FGF21: variants seen among roughly 807,000 people sequenced by gnomAD.
The protein encoded by FGF21 is fibroblast growth factor 21.
FGF21 carries 13 observed loss-of-function variants against 13.4 expected under a neutral mutation model. The ratio of observed to expected loss-of-function variants is 0.97; its 90% confidence interval spans 0.63 to 1.54. The LOEUF is 1.54. FGF21 is among the 40% of genes most tolerant of loss of function. FGF21 has a pLI of 0.00. For missense variants in FGF21, 303 were observed against 272.4 expected, an observed-to-expected ratio of 1.11 and a Z score of -0.79; for synonymous variants, 124 against 123.6, an observed-to-expected ratio of 1.00 and a Z score of -0.02.
Position 48,758,321 on chromosome 19 carries a change from AG to A in FGF21, c.*103del. ...TACTTGAGATAATAAAGAGTTCCAG[AG>A]GAGGATAAGAATGAGCATGTGTGAG... On this transcript the variant is annotated 3_prime_UTR_variant, in exon 4 of 4. Coordinates refer to ENST00000593756, the MANE Select transcript of FGF21 (RefSeq NM_019113.4). The A allele has an allele frequency of 1.7e-6, 2 of 1,170,788 alleles. No individual in the cohort carries two copies. The highest frequency in any genetic ancestry group is 2.3e-6 in the Non-Finnish European group (2 of 860,072). 72.5% of individuals were successfully genotyped at this position (1,170,788 alleles called of 1,614,324 possible).
rs767383662 is a variant in FGF21, at chr19:48,756,195, C to T, written c.-42C>T. ...CCAATTCTAAACCACTCAGCTTCTC[C>T]GAGCTCACACCCCGGAGATCACCTG... On this transcript the variant is annotated 5_prime_UTR_variant, in exon 2 of 4. Coordinates refer to ENST00000593756, the MANE Select transcript of FGF21 (RefSeq NM_019113.4). 39 of 1,561,090 alleles carry T rather than the reference C, an allele frequency of 2.5e-5. No individual in the cohort carries two copies. The Admixed American group carries it at 2.7e-4, about 11-fold the overall frequency.
Position 48,756,910 on chromosome 19 carries a change from C to T in FGF21, c.236-16C>T, listed in dbSNP as rs748972063. ...GGGAGAGGTCCTCGAACCACCTTAT[C>T]GCTTTCACCCCTTAGGTCTCCTGCA... On this transcript the variant is annotated splice_polypyrimidine_tract_variant and intron_variant, in intron 2 of 3. Coordinates refer to ENST00000593756, the MANE Select transcript of FGF21 (RefSeq NM_019113.4). 72 of 1,602,038 alleles carry T rather than the reference C, an allele frequency of 4.5e-5. No individual in the cohort carries two copies. Among genetic ancestry groups the T allele is most frequent in the South Asian group, 1.3e-4 (12 of 90,806 alleles).
chr19:48,756,510 G>A, intron 2 of FGF21, 39 bp downstream of exon 2: 1 of 1,577,492 alleles, frequency 6.3e-7, no homozygotes, highest in Non-Finnish European at 8.6e-7. Context: ...GGGAGGAGGG[G>A]CTGTGGGTCT....
Position 48,755,967 on chromosome 19 carries a change from T to C in FGF21, c.-270T>C. On this transcript the variant is annotated 5_prime_UTR_variant, in exon 2 of 4. Transcript: ENST00000593756. ...CAGGCTGCCCTTGCCACGATGGAAT[T>C]CTGTAGCTCCTGCCAAATGGGTCAA... The C allele has an allele frequency of 2.3e-6, 1 of 438,302 alleles. No individual in the cohort carries two copies. The highest frequency in any genetic ancestry group is 4.1e-6 in the Non-Finnish European group (1 of 244,290). The allele number at this position is 438,302 out of a possible 1,614,324, so 27.2% of individuals were successfully genotyped here. A position where few individuals can be genotyped will look rare whatever the true frequency, so the allele number is the denominator to read the frequency against.
At chr19:48,757,115 C>A in intron 3 of FGF21, 86 bp downstream of exon 3, 1 of 955,398 alleles carries the variant, frequency 1.0e-6, no homozygotes, top group Non-Finnish European at 1.7e-6. Context: ...CTTGCTCATC[C>A]CCCCCGGAGC....
rs755782245 is a variant in FGF21 at position 48,757,056 on chromosome 19, C to T, written c.339+27C>T. On this transcript the variant is annotated intron_variant, in intron 3 of 3. Coordinates refer to ENST00000593756, the MANE Select transcript of FGF21 (RefSeq NM_019113.4). The stretch of plus-strand genomic sequence containing the variant: ...TGAGTTTCCAGGACCCTCCTCACCA[C>T]CCACCATGCTCCTCCTATATGTCGC... 2.6e-6 allele frequency: 4 copies of T among 1,545,550 alleles called. No homozygotes were observed. The African/African-American group carries it at 4.1e-5, about 16-fold the overall frequency.
Position 48,756,372 on chromosome 19 carries a change from C to T in FGF21, c.136C>T (p.Gln46Ter). ...CCTGCAATTCGGGGGCCAAGTCCGG[C>T]AGCGGTACCTCTACACAGATGATGC... ...PLLQFGGQVR[Q>*]RYLYTDDAQQ... Residue 46 changes from glutamine to a stop codon, truncating the protein, a stop_gained, in exon 2 of 4, where the codon CAG (glutamine) becomes TAG (stop). Coordinates refer to ENST00000593756, the MANE Select transcript of FGF21 (RefSeq NM_019113.4). LOFTEE classifies it high-confidence loss of function. The T allele has an allele frequency of 6.2e-7, 1 of 1,614,044 alleles. No individual in the cohort carries two copies. Among genetic ancestry groups the T allele is most frequent in the African/African-American group, 1.3e-5 (1 of 75,056 alleles).
At chr19:48,757,906 T>G (rs753340367) in intron 3 of FGF21, 24 bp from the exon 4 acceptor site, 1 of 1,524,922 alleles carries the variant, frequency 6.6e-7, no homozygotes, top group African/African-American at 1.4e-5. Context: ...GAACCCTGTC[T>G]CTGATCCTGT....
chr19:48,756,440 G>A lies in FGF21; in HGVS notation c.204G>A (p.Thr68=), dbSNP rs142497972. The A allele has an allele frequency of 8.7e-6, 14 of 1,613,508 alleles. No homozygotes were observed. Among genetic ancestry groups the A allele is most frequent in the African/African-American group, 5.3e-5 (4 of 75,028 alleles). The change falls in exon 2 of 4, where the codon ACG becomes ACA. Residue 68 remains threonine (T), a synonymous_variant. Coordinates refer to ENST00000593756, the MANE Select transcript of FGF21 (RefSeq NM_019113.4). ...EAHLEIREDG[T]VGGAADQSPE... ...ACCTGGAGATCAGGGAGGATGGGAC[G>A]GTGGGGGGCGCTGCTGACCAGAGCC...
At chr19:48,757,751 G>A (rs2034132631) in intron 3 of FGF21, among the ~76,000 whole-genome samples, 179 bp from the exon 4 acceptor site, 2 of 148,978 alleles carry the variant, frequency 1.3e-5, no homozygotes, top group South Asian at 2.1e-4. Flanking sequence ...AGGCGCTGGG[G>A]GCCTGGACTC....
chr19:48,756,570 CTG>C, intron 2 of FGF21, 99 bp downstream of exon 2: 2 of 363,120 alleles, frequency 5.5e-6, no homozygotes, highest in South Asian at 1.2e-4. Context: ...GCCCCTGGGT[CTG>C]AGGGAGGAGG....
At chr19:48,756,842 G>A in intron 2 of FGF21, 84 bp from the exon 3 acceptor site, 1 of 1,104,296 alleles carries the variant, frequency 9.1e-7, no homozygotes, top group Non-Finnish European at 1.4e-6. Flanking sequence ...CTGGGACAGA[G>A]CCGGATGGTG....
rs2034092060 is a variant in FGF21, at chr19:48,756,315, C to T, written c.79C>T (p.Gln27Ter). 6.2e-7 allele frequency: 1 copy of T among 1,613,942 alleles called. No homozygotes were observed. Among genetic ancestry groups the T allele is most frequent in the Non-Finnish European group, 8.5e-7 (1 of 1,180,034 alleles). The change falls in exon 2 of 4, where the codon CAG becomes TAG. Residue 27 changes from glutamine to a stop codon, truncating the protein, a stop_gained. Coordinates refer to ENST00000593756, the MANE Select transcript of FGF21 (RefSeq NM_019113.4). LOFTEE classifies it high-confidence loss of function. ...VLAGLLLGAC[Q>*]AHPIPDSSPL... The stretch of plus-strand genomic sequence containing the variant: ...GGCTGGTCTTCTGCTGGGAGCCTGC[C>T]AGGCACACCCCATCCCTGACTCCAG...
In FGF21 at chr19:48,756,090, T is replaced by C. The variant is rs2034087004; in HGVS notation, c.-147T>C. 4 of 637,972 alleles carry C rather than the reference T, an allele frequency of 6.3e-6. No individual in the cohort carries two copies. Among genetic ancestry groups the C allele is most frequent in the Non-Finnish European group, 1.1e-5 (4 of 370,270 alleles). 39.5% of individuals were successfully genotyped at this position (637,972 alleles called of 1,614,324 possible). ...TATCCCAAAAAACAAGGGTGTTCTG[T>C]CAGCTGAGGATCCAGCCGAAAGAGG... On this transcript the variant is annotated 5_prime_UTR_variant, in exon 2 of 4. Coordinates refer to ENST00000593756, the MANE Select transcript of FGF21 (RefSeq NM_019113.4).
In FGF21 at chr19:48,756,913, T is replaced by A. The variant is rs760866076; in HGVS notation, c.236-13T>A. ...AGAGGTCCTCGAACCACCTTATCGC[T>A]TTCACCCCTTAGGTCTCCTGCAGCT... On this transcript the variant is annotated splice_polypyrimidine_tract_variant and intron_variant, in intron 2 of 3. Coordinates refer to ENST00000593756, the MANE Select transcript of FGF21 (RefSeq NM_019113.4). The A allele has an allele frequency of 6.8e-6, 11 of 1,610,092 alleles. No homozygotes were observed. The South Asian group carries it at 1.1e-4, about 16-fold the overall frequency.
rs773628532 is a variant in FGF21 at position 48,756,234 on chromosome 19, T to C, written c.-3T>C. 1.6e-5 allele frequency: 26 copies of C among 1,610,776 alleles called. No individual in the cohort carries two copies. In the South Asian group the frequency reaches 1.8e-4, roughly 11 times the overall value. ...GGAGATCACCTGAGGACCCGAGCCATTGATGGACTCGGACGAGACCGGGTT... is the reference window on the plus strand; with the variant it reads ...GGAGATCACCTGAGGACCCGAGCCACTGATGGACTCGGACGAGACCGGGTT... On this transcript the variant is annotated 5_prime_UTR_variant, in exon 2 of 4. Transcript: ENST00000593756.
chr19:48,756,425 C>T lies in FGF21; in HGVS notation c.189C>T (p.Ile63=). The T allele has an allele frequency of 6.2e-7, 1 of 1,613,778 alleles. No homozygotes were observed. The highest frequency in any genetic ancestry group is 1.1e-5 in the South Asian group (1 of 91,076). ...DAQQTEAHLE[I]REDGTVGGAA... is the part of the protein sequence containing the mutation. ...AGCAGACAGAAGCCCACCTGGAGAT[C>T]AGGGAGGATGGGACGGTGGGGGGCG... The change falls in exon 2 of 4, where the codon ATC becomes ATT. Residue 63 remains isoleucine, a synonymous_variant. Coordinates refer to ENST00000593756, the MANE Select transcript of FGF21 (RefSeq NM_019113.4).
rs1332233101 is a variant in FGF21 at position 48,755,961 on chromosome 19, T to C, written c.-276T>C. 2.4e-6 allele frequency: 1 copy of C among 421,284 alleles called. No homozygotes were observed. The highest frequency in any genetic ancestry group is 3.4e-5 in the South Asian group (1 of 29,360). 26.1% of individuals were successfully genotyped at this position (421,284 alleles called of 1,614,324 possible). A position where few individuals can be genotyped will look rare whatever the true frequency, so the allele number is the denominator to read the frequency against. On this transcript the variant is annotated 5_prime_UTR_variant, in exon 2 of 4. The change abolishes an upstream ATG in the 5' untranslated region. Coordinates refer to ENST00000593756, the MANE Select transcript of FGF21 (RefSeq NM_019113.4). The stretch of plus-strand genomic sequence containing the variant: ...TCCATTCAGGCTGCCCTTGCCACGA[T>C]GGAATTCTGTAGCTCCTGCCAAATG...
intron 2 of FGF21, 32 bp from the exon 3 acceptor site, chr19:48,756,894 C>A: frequency 6.4e-7 from 1 of 1,564,104 alleles, no homozygotes; most frequent in Non-Finnish European, 8.8e-7. Context: ...TGGGAGAGGT[C>A]CTCGAACCAC....
Sources: allele counts gnomAD v4.1 joint callset (sites outside exome capture counted in the v4.1 genomes callset), GRCh38; gene constraint gnomAD v4.1.1; transcripts MANE v1.5; gene names NCBI Gene and HGNC (gene_info 2026-07-23, HGNC 2026-07-21).